The following ATM variants were observed in gnomAD, a reference collection of about 807,000 sequenced individuals.
ATM encodes the protein serine-protein kinase ATM.
ATM carries 308 observed loss-of-function variants against 387.0 expected under a neutral mutation model. The observed-to-expected ratio is 0.80, with a 90% confidence interval of 0.73 to 0.87. ATM has a LOEUF of 0.87. Among genes scored for constraint, ATM ranks in the 40% least tolerant of loss-of-function variants. The probability of loss-of-function intolerance (pLI) is 0.00; values close to 1 mark genes in which losing one functional copy is unlikely to be tolerated. For missense variants in ATM, 3,312 were observed against 3,560.9 expected (o/e 0.93, Z 1.78); for synonymous variants, 1,156 against 1,187.3 (o/e 0.97, Z 0.54).
In ATM at chr11:108,365,595, G is replaced by A. The variant is rs1453231021; in HGVS notation, c.*87G>A. On this transcript the variant is annotated 3_prime_UTR_variant, in exon 63 of 63. Coordinates refer to ENST00000675843, the MANE Select transcript of ATM (RefSeq NM_000051.4). Reference sequence around the variant, plus strand: ...TTAACCTGCCAACATACTTTAAGTAGGGATTAATATTTAAGTGAACTATTG... The same window carrying A: ...TTAACCTGCCAACATACTTTAAGTAAGGATTAATATTTAAGTGAACTATTG... 6.9e-7 allele frequency: 1 copy of A among 1,455,336 alleles called. No individual in the cohort carries two copies. Among genetic ancestry groups the A allele is most frequent in the Non-Finnish European group, 9.4e-7 (1 of 1,067,856 alleles). The allele number at this position is 1,455,336 out of a possible 1,614,324, so 90.2% of individuals were successfully genotyped here.
intron 32 of ATM, chr11:108,295,301 C>T: frequency 3.6e-5 from 15 of 422,126 alleles, no homozygotes; most frequent in Middle Eastern, 7.0e-4. Context: ...TCATGTTTTT[C>T]TACTGCCTAA....
At chr11:108,225,422 A>AAG (rs2078690150) in intron 1 of ATM, 1 of 152,196 alleles carries the variant, frequency 6.6e-6, no homozygotes, top group Non-Finnish European at 1.5e-5. Flanking sequence ...ATAAAAGGAG[A>AAG]AGAGAATCAG....
At chr11:108,270,704 A>T (rs990035207) in intron 18 of ATM, among the ~76,000 whole-genome samples, 3 of 151,236 alleles carry the variant, frequency 2.0e-5, no homozygotes, top group Non-Finnish European at 1.5e-5. Flanking sequence ...CTTAAAAAAA[A>T]TTTTTTTTTG....
chr11:108,227,510 A>G (rs2078797394), intron 1 of ATM, 85 bp from the exon 2 acceptor site: 3 of 832,414 alleles, frequency 3.6e-6, no homozygotes, highest in African/African-American at 1.7e-5. Context: ...TAAAATAATT[A>G]TATACACATT....
At chr11:108,228,736 G>T (rs939424154) in intron 3 of ATM, among the ~76,000 whole-genome samples, 6 of 152,186 alleles carry the variant, frequency 3.9e-5, no homozygotes, top group African/African-American at 9.7e-5. Flanking sequence ...TGTATAAGCT[G>T]ATCTGGTAGG....
At position 108,250,931 on chromosome 11, in the gene ATM, G is replaced by A. The variant is rs776412334; in HGVS notation, c.1466G>A (p.Cys489Tyr). The A allele has an allele frequency of 1.2e-6, 2 of 1,614,150 alleles. No individual in the cohort carries two copies. The highest frequency in any genetic ancestry group is 8.5e-7 in the Non-Finnish European group (1 of 1,180,020). Residue 489 changes from cysteine to tyrosine, a missense_variant, in exon 10 of 63, where the codon TGT (cysteine) becomes TAT (tyrosine). By Grantham distance (194) the Cys-to-Tyr change is radical (BLOSUM62 -2). This residue lies in a region of ATM where 1,791 missense variants were observed against 1,804.5 expected (regional missense o/e 0.99). Coordinates refer to ENST00000675843, the MANE Select transcript of ATM (RefSeq NM_000051.4). ...TTAAAACTCTGGAATAAAATTTGGT[G>A]TATTACCTTTCGTGGTATAAGTTCT... is the stretch of plus-strand genomic sequence containing the variant. ...DLLKLWNKIW[C>Y]ITFRGISSEQ...
At chr11:108,223,621 G>A (rs1486993759) in intron 1 of ATM, 2 of 152,238 alleles carry the variant, frequency 1.3e-5, no homozygotes, top group African/African-American at 4.8e-5. Context: ...ACTGTCTTGT[G>A]AAGATAAGTG....
At chr11:108,280,960 T>G in intron 23 of ATM, 35 bp from the exon 24 acceptor site, 2 of 1,551,986 alleles carry the variant, frequency 1.3e-6, no homozygotes, top group Admixed American at 1.8e-5. Context: ...ACATTTACAT[T>G]TTACATTACA....
In ATM at chr11:108,323,876, G is replaced by A. The variant is rs546186253; in HGVS notation, c.6573-1434G>A. On this transcript the variant is annotated intron_variant, in intron 45 of 62. Coordinates refer to ENST00000675843, the MANE Select transcript of ATM (RefSeq NM_000051.4). ...AACATTAAATAATAACAAACTAAAT[G>A]CAGAAGCAGAGATAAGAATTCATCT... Among the ~76,000 whole-genome samples the A allele has an allele frequency of 6.6e-5, 10 of 152,176 alleles. No homozygotes were observed. The East Asian group carries it at 1.9e-3, about 29-fold the overall frequency.
chr11:108,349,703 G>C (rs1039325338), intron 59 of ATM, among the ~76,000 whole-genome samples: 1 of 152,146 alleles, frequency 6.6e-6, no homozygotes, highest in Non-Finnish European at 1.5e-5. Context: ...AGTTTAGAAG[G>C]GAAGGGAAGG....
At chr11:108,272,056 G>A (rs2081613322) in intron 20 of ATM, among the ~76,000 whole-genome samples, 1 of 152,068 alleles carries the variant, frequency 6.6e-6, no homozygotes, top group African/African-American at 2.4e-5. Context: ...TGTATTTTTA[G>A]TAGAGATGGG....
chr11:108,299,087 C>G (rs2083274501), intron 33 of ATM, among the ~76,000 whole-genome samples: 1 of 152,058 alleles, frequency 6.6e-6, no homozygotes, highest in Admixed American at 6.6e-5. Flanking sequence ...GAAGGGCTCT[C>G]AAAAAATTTG....
Position 108,353,293 on chromosome 11 carries a change from C to T in ATM, c.8672-473C>T, listed in dbSNP as rs1348966530. On this transcript the variant is annotated intron_variant, in intron 59 of 62. Coordinates refer to ENST00000675843, the MANE Select transcript of ATM (RefSeq NM_000051.4). The stretch of plus-strand genomic sequence containing the variant: ...CCTCCCGAGTAACTGGGATTATAGG[C>T]ACCTGCTACCACACCCAGCTAATTT... Among the ~76,000 whole-genome samples, 7 of 152,122 alleles carry T rather than the reference C, an allele frequency of 4.6e-5. No homozygotes were observed. The East Asian group carries it at 9.7e-4, about 21-fold the overall frequency.
intron 51 of ATM, 22 bp from the exon 52 acceptor site, chr11:108,331,857 T>C (rs1254817388): frequency 6.2e-7 from 1 of 1,611,154 alleles, no homozygotes; most frequent in Non-Finnish European, 8.5e-7. Context: ...TTTGCATAAA[T>C]CTAATAGTTC....
At chr11:108,346,031 T>C in intron 58 of ATM, 123 bp downstream of exon 58, 1 of 1,061,972 alleles carries the variant, frequency 9.4e-7, no homozygotes, top group Admixed American at 1.9e-5. Flanking sequence ...ATGTGGTTAG[T>C]AACCAACCCA....
intron 38 of ATM, among the ~76,000 whole-genome samples, chr11:108,309,915 A>G (rs1265269094): frequency 6.6e-6 from 1 of 152,178 alleles, no homozygotes; most frequent in Admixed American, 6.5e-5. Flanking sequence ...GTGATAGTCT[A>G]CAGGTTTTAT....
At position 108,368,502 on chromosome 11, in the gene ATM, A is replaced by T; in HGVS notation, c.*2994A>T. On this transcript the variant is annotated 3_prime_UTR_variant, in exon 63 of 63. Transcript: ENST00000675843. ...ATACTATCCCAATACACTGCTGGAG[A>T]AATCAGAATTTGGAGAAATAAGTTG... The T allele has an allele frequency of 4.6e-6, 1 of 215,708 alleles. No homozygotes were observed. Among genetic ancestry groups the T allele is most frequent in the Non-Finnish European group, 9.3e-6 (1 of 107,076 alleles). 13.4% of individuals were successfully genotyped at this position (215,708 alleles called of 1,614,324 possible). A position where few individuals can be genotyped will look rare whatever the true frequency, so the allele number is the denominator to read the frequency against.
At chr11:108,237,396 G>T (rs1482119460) in intron 5 of ATM, among the ~76,000 whole-genome samples, 2 of 151,964 alleles carry the variant, frequency 1.3e-5, no homozygotes, top group Non-Finnish European at 2.9e-5. Context: ...CCCCTAGTCT[G>T]CTTACTATAT....
At chr11:108,362,719 T>A (rs1351727440) in intron 61 of ATM, among the ~76,000 whole-genome samples, 1 of 146,020 alleles carries the variant, frequency 6.8e-6, no homozygotes, top group Non-Finnish European at 1.5e-5. Context: ...AAACACCGCA[T>A]ATTCTCACTC....
Sources: gnomAD v4.1 joint callset for allele counts (sites outside exome capture counted in the v4.1 genomes callset) on GRCh38, gnomAD v4.1.1 for gene constraint, gnomAD v4.1.1 regional missense constraint, MANE v1.5 for transcripts, NCBI Gene and HGNC (gene_info 2026-07-23, HGNC 2026-07-21) for gene names.